BAHCC1: variants seen among roughly 807,000 people sequenced by gnomAD.
BAHCC1 encodes BAH and coiled-coil domain-containing protein 1.
Under a neutral mutation model 88.2 loss-of-function variants are expected in BAHCC1, and 43 were observed. That is an observed-to-expected ratio of 0.49 (90% CI 0.38 to 0.63). The LOEUF is 0.63. Among genes scored for constraint, BAHCC1 ranks in the 20% least tolerant of loss-of-function variants. The probability of loss-of-function intolerance (pLI) is 0.00; values close to 1 mark genes in which losing one functional copy is unlikely to be tolerated. For missense variants in BAHCC1, 3,023 were observed against 1,654.8 expected, an observed-to-expected ratio of 1.83 and a Z score of -14.34; for synonymous variants, 1,510 against 745.5, an observed-to-expected ratio of 2.03 and a Z score of -16.71.
intron 2 of BAHCC1, among the ~76,000 whole-genome samples, chr17:81,414,951 C>T (rs1452047973): frequency 6.6e-6 from 1 of 152,206 alleles, no homozygotes; most frequent in Admixed American, 6.5e-5. Context: ...CCATTACCCG[C>T]CACGGTGTAC....
chr17:81,402,326 C>T (rs1243489890), intron 2 of BAHCC1: 2 of 152,026 alleles, frequency 1.3e-5, no homozygotes, highest in African/African-American at 4.8e-5. Flanking sequence ...TGTTAAGAGC[C>T]AGAATATTGT....
chr17:81,448,146 C>T (rs1000959142), intron 11 of BAHCC1, among the ~76,000 whole-genome samples: 3 of 152,176 alleles, frequency 2.0e-5, no homozygotes, highest in South Asian at 4.1e-4. Flanking sequence ...AGTGGCTGAA[C>T]AGGGGCTCGC....
chr17:81,405,829 A>G (rs1162101040), intron 2 of BAHCC1, among the ~76,000 whole-genome samples: 4 of 152,160 alleles, frequency 2.6e-5, no homozygotes, highest in Admixed American at 2.0e-4. Context: ...GGATCCTGTG[A>G]GGCAGCTACT....
chr17:81,400,127 C>A (rs1229362299), intron 2 of BAHCC1, among the ~76,000 whole-genome samples: 1 of 152,124 alleles, frequency 6.6e-6, no homozygotes, highest in South Asian at 2.1e-4. Flanking sequence ...TGGCCACCCT[C>A]CCCCGGGGGT....
intron 10 of BAHCC1, among the ~76,000 whole-genome samples, chr17:81,445,898 G>C (rs1160314547): frequency 1.3e-4 from 20 of 152,234 alleles, no homozygotes; most frequent in Admixed American, 3.3e-4. Flanking sequence ...CCCCTTCCTG[G>C]CCGTGGGCTG....
intron 27 of BAHCC1, 149 bp downstream of exon 27, chr17:81,463,125 A>C (rs1168588797): frequency 1.6e-6 from 1 of 609,814 alleles, no homozygotes; most frequent in Non-Finnish European, 2.9e-6. Flanking sequence ...AGGGAGCCGC[A>C]CAGCCCATGG....
chr17:81,416,326 CCAT>C (rs1350887874), intron 2 of BAHCC1, among the ~76,000 whole-genome samples: 7 of 100,636 alleles, frequency 7.0e-5, no homozygotes, highest in Non-Finnish European at 1.2e-4. Context: ...GCGTGTGTGT[CCAT>C]GAGGATGGGT....
At chr17:81,403,273 G>T (rs1659985437) in intron 2 of BAHCC1, among the ~76,000 whole-genome samples, 1 of 152,146 alleles carries the variant, frequency 6.6e-6, no homozygotes, top group Admixed American at 6.5e-5. Flanking sequence ...CTCCACCAAG[G>T]CACTATTTCT....
At chr17:81,427,036 G>C in intron 3 of BAHCC1, 57 bp downstream of exon 3, 1 of 398,502 alleles carries the variant, frequency 2.5e-6, no homozygotes, top group Non-Finnish European at 4.4e-6. Flanking sequence ...ACTGACCCTG[G>C]TGCCCGGGCC....
chr17:81,424,537 TTGA>T (rs1184616503), intron 2 of BAHCC1, among the ~76,000 whole-genome samples: 3 of 152,120 alleles, frequency 2.0e-5, no homozygotes, highest in Middle Eastern at 3.4e-3. Context: ...GATGTGGTTA[TTGA>T]TGATGATTGG....
chr17:81,431,840 C>A (rs2064264470), intron 3 of BAHCC1, among the ~76,000 whole-genome samples: 1 of 152,198 alleles, frequency 6.6e-6, no homozygotes, highest in African/African-American at 2.4e-5. Context: ...CTCTGCCCCG[C>A]AAGCTCCTGC....
intron 3 of BAHCC1, among the ~76,000 whole-genome samples, chr17:81,438,054 G>A (rs1193006091): frequency 6.6e-6 from 1 of 152,218 alleles, no homozygotes; most frequent in Non-Finnish European, 1.5e-5. Flanking sequence ...CCTCCCCAGA[G>A]TCCCTTTTGT....
chr17:81,403,992 TAGTG>T (rs1231379797), intron 2 of BAHCC1, among the ~76,000 whole-genome samples: 1 of 152,132 alleles, frequency 6.6e-6, no homozygotes, highest in Non-Finnish European at 1.5e-5. Context: ...TAAGGCAAAT[TAGTG>T]AGCCAGGCAG....
At chr17:81,408,486 C>T (rs77538010) in intron 2 of BAHCC1, among the ~76,000 whole-genome samples, 2,314 of 152,166 alleles carry the variant, frequency 0.015, 127 homozygotes, top group Admixed American at 0.099. Flanking sequence ...GGGGCCTACC[C>T]CTGCCTGGCC....
intron 2 of BAHCC1, among the ~76,000 whole-genome samples, chr17:81,420,613 G>A (rs534269995): frequency 1.3e-5 from 2 of 152,370 alleles, no homozygotes; most frequent in South Asian, 4.1e-4. Context: ...CTAGCCGGCC[G>A]CCCAAGCCAG....
rs2064667085 is a variant in BAHCC1, at chr17:81,452,777, G to A, written c.4371G>A (p.Lys1457=). The change falls in exon 14 of 28, where the codon AAG becomes AAA. Residue 1457 remains lysine, a synonymous_variant. Coordinates refer to ENST00000675386, the MANE Select transcript of BAHCC1 (RefSeq NM_001377448.1). ...PARRGPGRPR[K]RKHSSSLPAP... is the part of the protein sequence containing the mutation. ...GGCGGGGGCCTGGCCGGCCGAGGAA[G>A]CGCAAACACTCAAGCTCGCTGCCTG... 1 of 741,866 alleles carries A rather than the reference G, an allele frequency of 1.3e-6. No homozygotes were observed. Among genetic ancestry groups the A allele is most frequent in the Admixed American group, 2.0e-5 (1 of 50,628 alleles). 46.0% of individuals were successfully genotyped at this position (741,866 alleles called of 1,614,324 possible).
At chr17:81,440,574 G>T (rs1462960394) in intron 4 of BAHCC1, among the ~76,000 whole-genome samples, 1 of 152,196 alleles carries the variant, frequency 6.6e-6, no homozygotes, top group Non-Finnish European at 1.5e-5. Context: ...CCACCCAGCT[G>T]GGTGTGGAGA....
intron 11 of BAHCC1, among the ~76,000 whole-genome samples, chr17:81,449,676 AC>A (rs879947073): frequency 2.9e-4 from 37 of 125,520 alleles, no homozygotes; most frequent in Non-Finnish European, 5.8e-4. Flanking sequence ...TGCTCAGCCC[AC>A]CCCCCCTCGG....
chr17:81,422,014 ATTT>A, intron 2 of BAHCC1: 1 of 271,010 alleles, frequency 3.7e-6, no homozygotes, highest in Non-Finnish European at 7.6e-6. Flanking sequence ...TCCTCTCGTG[ATTT>A]TTTTTTTTCT....
Sources: gnomAD v4.1 joint callset for allele counts (sites outside exome capture counted in the v4.1 genomes callset) on GRCh38, gnomAD v4.1.1 for gene constraint, MANE v1.5 for transcripts, NCBI Gene and HGNC (gene_info 2026-07-23, HGNC 2026-07-21) for gene names.